The following TAF1B variants were observed in gnomAD, a reference collection of about 807,000 sequenced individuals.
The protein encoded by TAF1B is TATA-box binding protein associated factor, RNA polymerase I subunit B, also known as TATA box-binding protein-associated factor RNA polymerase I subunit B.
In TAF1B, 61 loss-of-function variants were observed where a neutral mutation model predicts 83.9. The ratio of observed to expected loss-of-function variants is 0.73; its 90% CI spans 0.59 to 0.90. The LOEUF (loss-of-function observed/expected upper bound fraction) is 0.90. Ranked by LOEUF, TAF1B falls within the 40% of genes least tolerant of loss-of-function variation. TAF1B has a pLI of 0.00. For missense variants in TAF1B, 625 were observed against 677.0 expected, an observed-to-expected ratio of 0.92 and a Z score of 0.85; for synonymous variants, 221 against 224.6, an observed-to-expected ratio of 0.98 and a Z score of 0.14.
At chr2:9,870,967 A>G (rs965220471) in intron 6 of TAF1B, among the ~76,000 whole-genome samples, 1 of 152,150 alleles carries the variant, frequency 6.6e-6, no homozygotes, top group Non-Finnish European at 1.5e-5. Flanking sequence ...TATCTTATGC[A>G]TTCTATCAGT....
chr2:9,849,474 T>C lies in TAF1B; in HGVS notation c.205+14T>C, dbSNP rs1215521615. 6.6e-7 allele frequency: 1 copy of C among 1,505,354 alleles called. No individual in the cohort carries two copies. The allele number at this position is 1,505,354 out of a possible 1,614,324, so 93.2% of individuals were successfully genotyped here. ...AAAACAATACTGGTAAGTTCTTTCT[T>C]CATATGTACTTAACATTCTTTATTC... On this transcript the variant is annotated intron_variant, in intron 3 of 14. Transcript: ENST00000263663.
chr2:9,851,614 C>A lies in TAF1B; in HGVS notation c.279C>A (p.Asn93Lys), dbSNP rs748312273. ...ILYQQAEALK[N>K]LGVGPELKND... ...ATCAACAAGCAGAAGCCTTAAAGAA[C>A]CTTGGAGTAGGCCCAGAGTTAAAGG... The change falls in exon 4 of 15, where the codon AAC (asparagine) becomes AAA (lysine). Residue 93 changes from asparagine to lysine, a missense_variant. Asn to Lys is a moderately conservative substitution (Grantham distance 94, BLOSUM62 0). Coordinates refer to ENST00000263663, the MANE Select transcript of TAF1B (RefSeq NM_005680.3). 3.1e-6 allele frequency: 5 copies of A among 1,612,282 alleles called. No individual in the cohort carries two copies. The East Asian group carries it at 1.1e-4, about 36-fold the overall frequency.
chr2:9,848,747 A>AT (rs1275591473), intron 2 of TAF1B, among the ~76,000 whole-genome samples: 3 of 152,138 alleles, frequency 2.0e-5, no homozygotes, highest in Non-Finnish European at 4.4e-5. Context: ...TTAAAAAAAA[A>AT]GACTCAACAC....
rs540688339 is a variant in TAF1B at position 9,853,222 on chromosome 2, A to G, written c.304-1104A>G. 1.3e-4 allele frequency among the ~76,000 whole-genome samples: 20 copies of G among 151,802 alleles called. No individual in the cohort carries two copies. In the South Asian group the frequency reaches 4.1e-3, roughly 31 times the overall value. ...AAAACAATTTTTCTGAAATTAGCCA[A>G]TGAGCATAACTGTTTAGACCTGATC... On this transcript the variant is annotated intron_variant, in intron 4 of 14. Transcript: ENST00000263663.
In TAF1B at chr2:9,893,245, A is replaced by AC. The variant is rs570272077; in HGVS notation, c.807+10442dup. Among the ~76,000 whole-genome samples, 18 of 152,286 alleles carry AC rather than the reference A, an allele frequency of 1.2e-4. 1 individual carries two copies. The South Asian group carries it at 2.1e-3, about 18-fold the overall frequency. ...TTTGTGCCATTTTTCCTATCTGTCT[A>AC]CCTACCTACTTGTGTATCTGTGTAA... On this transcript the variant is annotated intron_variant, in intron 8 of 14. Coordinates refer to ENST00000263663, the MANE Select transcript of TAF1B (RefSeq NM_005680.3).
intron 8 of TAF1B, among the ~76,000 whole-genome samples, chr2:9,896,379 T>C (rs577353536): frequency 2.5e-4 from 38 of 152,290 alleles, no homozygotes; most frequent in African/African-American, 8.7e-4. Context: ...GAAACGGCTT[T>C]TCATTAACAA....
chr2:9,913,070 GCAGT>G, intron 11 of TAF1B, 85 bp from the exon 12 acceptor site: 3 of 1,063,692 alleles, frequency 2.8e-6, no homozygotes, highest in South Asian at 1.6e-5. Context: ...ACTGCCCAGT[GCAGT>G]CAATTAATGA....
chr2:9,900,418 T>C (rs379396), intron 8 of TAF1B, among the ~76,000 whole-genome samples: 142,980 of 152,210 alleles, frequency 0.94, 67,796 homozygotes, highest in East Asian at 1. Flanking sequence ...GCCTATAGTC[T>C]CAGCCTACCC....
At chr2:9,888,058 G>A (rs1328784506) in intron 8 of TAF1B, among the ~76,000 whole-genome samples, 1 of 152,082 alleles carries the variant, frequency 6.6e-6, no homozygotes, top group Non-Finnish European at 1.5e-5. Flanking sequence ...GTCTTGCAGT[G>A]ATGCCCAGGC....
intron 8 of TAF1B, among the ~76,000 whole-genome samples, chr2:9,890,149 T>TC (rs1167838042): frequency 6.6e-6 from 1 of 152,218 alleles, no homozygotes; most frequent in Admixed American, 6.5e-5. Flanking sequence ...CTGTTTCACT[T>TC]CCCACCCTTG....
intron 14 of TAF1B, among the ~76,000 whole-genome samples, chr2:9,931,751 C>A (rs968152276): frequency 1.3e-5 from 2 of 152,180 alleles, no homozygotes; most frequent in African/African-American, 4.8e-5. Flanking sequence ...TGGATAATAT[C>A]CTGCAGAGTG....
At chr2:9,849,037 T>C (rs1663297963) in intron 2 of TAF1B, among the ~76,000 whole-genome samples, 1 of 152,230 alleles carries the variant, frequency 6.6e-6, no homozygotes, top group Admixed American at 6.5e-5. Flanking sequence ...CATACCAAAG[T>C]GTATTTTGTG....
intron 14 of TAF1B, among the ~76,000 whole-genome samples, chr2:9,920,184 A>C (rs1665827553): frequency 6.6e-6 from 1 of 152,154 alleles, no homozygotes; most frequent in Non-Finnish European, 1.5e-5. Context: ...ATTTCCTAAA[A>C]ATAAGGATAT....
chr2:9,859,241 G>T (rs1014522646), intron 5 of TAF1B, among the ~76,000 whole-genome samples: 1 of 152,076 alleles, frequency 6.6e-6, no homozygotes, highest in Non-Finnish European at 1.5e-5. Flanking sequence ...TCAAAGTTCT[G>T]CAGATCTCTA....
intron 5 of TAF1B, among the ~76,000 whole-genome samples, chr2:9,864,875 G>T (rs1005454655): frequency 1.3e-5 from 2 of 152,168 alleles, no homozygotes; most frequent in African/African-American, 4.8e-5. Flanking sequence ...AAAGGCCTTT[G>T]ACAAAATTCA....
At chr2:9,867,349 T>TG (rs1360106819) in intron 5 of TAF1B, among the ~76,000 whole-genome samples, 1 of 152,228 alleles carries the variant, frequency 6.6e-6, no homozygotes, top group East Asian at 1.9e-4. Context: ...TGGGAACCTG[T>TG]GGAAGTTTTC....
At chr2:9,860,750 A>G (rs142522792) in intron 5 of TAF1B, among the ~76,000 whole-genome samples, 27 of 152,346 alleles carry the variant, frequency 1.8e-4, no homozygotes, top group African/African-American at 6.5e-4. Flanking sequence ...GCTGTGATAA[A>G]TGCTGTCACT....
At chr2:9,886,958 G>A (rs1045360162) in intron 8 of TAF1B, among the ~76,000 whole-genome samples, 6 of 152,186 alleles carry the variant, frequency 3.9e-5, no homozygotes, top group Non-Finnish European at 7.4e-5. Context: ...CCAGCTACTC[G>A]GGAGGCTGAG....
At chr2:9,911,446 T>C in intron 10 of TAF1B, 65 bp from the exon 11 acceptor site, 1 of 1,282,270 alleles carries the variant, frequency 7.8e-7, no homozygotes, top group Admixed American at 2.6e-5. Context: ...CTCAGAAGAA[T>C]TCAGAATTTA....
Sources: gnomAD v4.1 joint callset for allele counts (sites outside exome capture counted in the v4.1 genomes callset) on GRCh38, gnomAD v4.1.1 for gene constraint, MANE v1.5 for transcripts, NCBI Gene and HGNC (gene_info 2026-07-23, HGNC 2026-07-21) for gene names.